Variants in LIPA observed in about 807,000 individuals in gnomAD.
LIPA encodes the protein lipase A, lysosomal acid type.
LIPA carries 26 observed loss-of-function variants against 40.6 expected under a neutral mutation model. The observed-to-expected ratio is 0.64, with a 90% confidence interval of 0.47 to 0.89. The LOEUF is 0.89. Ranked by LOEUF, LIPA falls within the 40% of genes least tolerant of loss-of-function variation. The pLI, the probability that LIPA is intolerant of heterozygous loss-of-function variation, is 0.00. For synonymous variants in LIPA, 188 were observed against 168.4 expected (o/e 1.12, Z -0.90); for missense variants, 455 against 479.6 (o/e 0.95, Z 0.48).
chr10:89,254,505 T>G (rs1843171444), upstream of LIPA, among the ~76,000 whole-genome samples: 1 of 152,204 alleles, frequency 6.6e-6, no homozygotes, highest in Non-Finnish European at 1.5e-5. Context: ...AAAGTATTTT[T>G]TCCTCCTAGG....
intron 8 of LIPA, among the ~76,000 whole-genome samples, chr10:89,220,020 G>T (rs1055052890): frequency 6.6e-6 from 1 of 152,188 alleles, no homozygotes; most frequent in Non-Finnish European, 1.5e-5. Context: ...AAGAGGGCTG[G>T]AACAAGACCA....
chr10:89,323,940 T>C (rs1029251505), intron 1 of LIPA, among the ~76,000 whole-genome samples: 2 of 152,154 alleles, frequency 1.3e-5, no homozygotes, highest in Non-Finnish European at 2.9e-5. Flanking sequence ...AAAATTCCTA[T>C]AGAACAAAAA....
chr10:89,399,811 G>A (rs879688460), intron 2 of LIPA, among the ~76,000 whole-genome samples: 2 of 151,944 alleles, frequency 1.3e-5, no homozygotes, highest in South Asian at 2.1e-4. Context: ...AAATAAAATC[G>A]TAAGAGTGAG....
At position 89,339,617 on chromosome 10, in the gene LIPA, C is replaced by A. The variant is rs757042245; in HGVS notation, c.-2+2994G>T. 3.7e-6 allele frequency: 6 copies of A among 1,614,180 alleles called. No individual in the cohort carries two copies. The Admixed American group carries it at 1.0e-4, about 27-fold the overall frequency. On this transcript the variant is annotated intron_variant, in intron 1 of 5. Coordinates refer to the LIPA transcript ENST00000282673. ...TATGCTATGGACTATTCGAATAAAG[C>A]TCTTGAGAAGGGACTGAATCCTCTG...
At chr10:89,249,000 C>T (rs1843076519) in intron 1 of LIPA, among the ~76,000 whole-genome samples, 1 of 152,192 alleles carries the variant, frequency 6.6e-6, no homozygotes, top group Admixed American at 6.5e-5. Context: ...TGCCTTCCAC[C>T]TATGATTTAG....
At chr10:89,240,348 C>A (rs536400847) in intron 3 of LIPA, among the ~76,000 whole-genome samples, 2 of 152,234 alleles carry the variant, frequency 1.3e-5, no homozygotes, top group South Asian at 4.2e-4. Context: ...GTTATCCCAG[C>A]CCTTTGGGAG....
At chr10:89,337,457 T>C (rs889605016) in intron 1 of LIPA, among the ~76,000 whole-genome samples, 2 of 152,204 alleles carry the variant, frequency 1.3e-5, no homozygotes, top group Non-Finnish European at 2.9e-5. Flanking sequence ...TGGAGTGTAA[T>C]GGTGTGATCT....
rs568041174 is a variant in LIPA, at chr10:89,309,052, C to T, written c.-2+33559G>A. The T allele has an allele frequency of 2.6e-5, 4 of 152,282 alleles. No individual in the cohort carries two copies. The East Asian group carries it at 7.7e-4, about 29-fold the overall frequency. 9.4% of individuals were successfully genotyped at this position (152,282 alleles called of 1,614,324 possible). A position where few individuals can be genotyped will look rare whatever the true frequency, so the allele number is the denominator to read the frequency against. On this transcript the variant is annotated intron_variant, in intron 1 of 5. Transcript: ENST00000282673. ...CTCGACTGGTCTACTATCATAATCA[C>T]CTGAACAGAACAAAACTTTTTCCTC... is the stretch of plus-strand genomic sequence containing the variant.
rs976630354 is a variant in LIPA at position 89,223,963 on chromosome 10, T to C, written c.676-133A>G. On this transcript the variant is annotated intron_variant, in intron 6 of 9. Transcript: ENST00000336233. ...GGCCTCAGGAGAGAATGGCAACCAG[T>C]GGACATCAAATCAGGATGCTTTTGC... The C allele has an allele frequency of 7.1e-6, 6 of 848,534 alleles. No individual in the cohort carries two copies. The African/African-American group carries it at 1.0e-4, about 14-fold the overall frequency. The allele number at this position is 848,534 out of a possible 1,614,324, so 52.6% of individuals were successfully genotyped here.
intron 8 of LIPA, among the ~76,000 whole-genome samples, chr10:89,220,406 T>C (rs1254136004): frequency 6.6e-6 from 1 of 152,070 alleles, no homozygotes; most frequent in Non-Finnish European, 1.5e-5. Flanking sequence ...CTCAAAAATG[T>C]AGGGGAATTC....
At chr10:89,267,419 C>A (rs1036579469) in intron 1 of LIPA, among the ~76,000 whole-genome samples, 2 of 152,064 alleles carry the variant, frequency 1.3e-5, no homozygotes, top group Admixed American at 1.3e-4. Flanking sequence ...TCCAGGCAGT[C>A]CCAGCAGGGA....
chr10:89,353,322 G>A (rs1843969893), intron 2 of LIPA, among the ~76,000 whole-genome samples: 2 of 152,146 alleles, frequency 1.3e-5, no homozygotes, highest in Non-Finnish European at 2.9e-5. Flanking sequence ...ACTTCTTCTA[G>A]AACACTTGAC....
chr10:89,296,373 A>G (rs1843415205), intron 1 of LIPA, among the ~76,000 whole-genome samples: 1 of 151,780 alleles, frequency 6.6e-6, no homozygotes, highest in Non-Finnish European at 1.5e-5. Context: ...TGGGCCAAGT[A>G]GCCAGCTACT....
chr10:89,215,736 A>T (rs912957111), intron 9 of LIPA, among the ~76,000 whole-genome samples: 4 of 152,196 alleles, frequency 2.6e-5, no homozygotes, highest in African/African-American at 9.7e-5. Flanking sequence ...GAGCTGGGGA[A>T]AGGACAAAGA....
chr10:89,248,536 G>A (rs371834363), intron 1 of LIPA, among the ~76,000 whole-genome samples: 1 of 142,168 alleles, frequency 7.0e-6, no homozygotes, highest in Non-Finnish European at 1.5e-5. Context: ...GTGCAGTGGC[G>A]CAATCTTGGC....
chr10:89,347,745 C>T (rs749298631), intron 2 of LIPA, among the ~76,000 whole-genome samples: 1 of 152,194 alleles, frequency 6.6e-6, no homozygotes, highest in Non-Finnish European at 1.5e-5. Flanking sequence ...TTCCTCCGTA[C>T]ATGTCTATAT....
chr10:89,279,280 C>T (rs73359624), intron 1 of LIPA, among the ~76,000 whole-genome samples: 4,967 of 152,250 alleles, frequency 0.033, 303 homozygotes, highest in African/African-American at 0.11. Flanking sequence ...TTATTCCTTC[C>T]CTCTTAGCTT....
intron 3 of LIPA, among the ~76,000 whole-genome samples, chr10:89,229,011 C>T (rs369710507): frequency 3.9e-5 from 6 of 152,096 alleles, no homozygotes; most frequent in African/African-American, 1.4e-4. Flanking sequence ...TGGTATTTTA[C>T]CCAAAGGAGT....
At chr10:89,392,768 T>C in intron 2 of LIPA, 1 of 1,592,596 alleles carries the variant, frequency 6.3e-7, no homozygotes, top group Non-Finnish European at 8.6e-7. Flanking sequence ...TTTGAAAAAA[T>C]GGTAATTAAA....
Sources: allele counts gnomAD v4.1 joint callset (sites outside exome capture counted in the v4.1 genomes callset), GRCh38; gene constraint gnomAD v4.1.1; transcripts MANE v1.5; gene names NCBI Gene and HGNC (gene_info 2026-07-23, HGNC 2026-07-21).